The following ARHGEF16 variants were observed in gnomAD, a reference collection of about 807,000 sequenced individuals.
ARHGEF16 encodes the protein Rho guanine exchange factor (GEF) 16.
In ARHGEF16, 59 loss-of-function variants were observed where a neutral mutation model predicts 74.1. That is an observed-to-expected ratio of 0.80 (90% confidence interval 0.65 to 0.99). The LOEUF is 0.99. Among genes scored for constraint, ARHGEF16 ranks in the 50% least tolerant of loss-of-function variants. The probability of loss-of-function intolerance (pLI) is 0.00; values close to 1 mark genes in which losing one functional copy is unlikely to be tolerated. For synonymous variants in ARHGEF16, 415 were observed against 412.6 expected, an observed-to-expected ratio of 1.01 and a Z score of -0.07; for missense variants, 948 against 986.6, an observed-to-expected ratio of 0.96 and a Z score of 0.52.
At chr1:3,455,660 C>T (rs538034150) in intron 1 of ARHGEF16, among the ~76,000 whole-genome samples, 20 of 152,202 alleles carry the variant, frequency 1.3e-4, no homozygotes, top group East Asian at 5.8e-4. Flanking sequence ...CACCACCTAA[C>T]ATGGGGGCCT....
At position 3,463,503 on chromosome 1, in the gene ARHGEF16, AC is replaced by A; in HGVS notation, c.423del (p.Gly143AlafsTer3). On this transcript the variant is annotated frameshift_variant, in exon 2 of 15. Coordinates refer to ENST00000378378, the MANE Select transcript of ARHGEF16 (RefSeq NM_014448.4). LOFTEE classifies it high-confidence loss of function. ...CTGGATGACATGGACGTGGACAAGG[AC>A]CCCGGGGGCATGCTGAGGCGGAACC... ...FSLDDMDVDK[D>X]PGGMLRRNLR... 2 of 1,495,054 alleles carry A rather than the reference AC, an allele frequency of 1.3e-6. No homozygotes were observed. Among genetic ancestry groups the A allele is most frequent in the African/African-American group, 1.4e-5 (1 of 71,110 alleles). The allele number at this position is 1,495,054 out of a possible 1,614,324, so 92.6% of individuals were successfully genotyped here.
intron 11 of ARHGEF16, 144 bp from the exon 12 acceptor site, chr1:3,478,280 C>G (rs1284083961): frequency 9.9e-7 from 1 of 1,009,498 alleles, no homozygotes; most frequent in Non-Finnish European, 1.5e-6. Context: ...GGCCTCTGTT[C>G]TGTGGGACGC....
At chr1:3,461,529 C>G (rs1639395520) in intron 1 of ARHGEF16, among the ~76,000 whole-genome samples, 3 of 152,238 alleles carry the variant, frequency 2.0e-5, no homozygotes, top group African/African-American at 7.2e-5. Context: ...GAGGGGAAAG[C>G]TGGGAGGCCT....
chr1:3,463,548 G>C lies in ARHGEF16; in HGVS notation c.464G>C (p.Arg155Pro). Residue 155 changes from arginine (R) to proline (P), a missense_variant, in exon 2 of 15, where the codon CGG (arginine) becomes CCG (proline). Arg to Pro is a moderately radical substitution (Grantham distance 103, BLOSUM62 -2). Transcript: ENST00000378378. The part of the protein sequence containing the change: ...LRRNLRNQSY[R>P]AAMKGLGKPG... ...CGGAACCTGCGGAACCAATCCTACC[G>C]GGCGGCCATGAAGGGCCTGGGGAAG... 1.4e-6 allele frequency: 2 copies of C among 1,461,446 alleles called. No homozygotes were observed. The highest frequency in any genetic ancestry group is 1.8e-6 in the Non-Finnish European group (2 of 1,103,068). The allele number at this position is 1,461,446 out of a possible 1,614,324, so 90.5% of individuals were successfully genotyped here. A position where few individuals can be genotyped will look rare whatever the true frequency, so the allele number is the denominator to read the frequency against.
chr1:3,466,592 C>T (rs1291202363), intron 3 of ARHGEF16, among the ~76,000 whole-genome samples: 1 of 152,168 alleles, frequency 6.6e-6, no homozygotes, highest in Non-Finnish European at 1.5e-5. Context: ...TGTGTTGGGG[C>T]CTCCAGCATG....
At chr1:3,474,271 CAT>C (rs947599931) in intron 8 of ARHGEF16, 4 of 227,252 alleles carry the variant, frequency 1.8e-5, no homozygotes, top group Non-Finnish European at 3.5e-5. Context: ...CATATTCACA[CAT>C]GTGCATGCTG....
intron 5 of ARHGEF16, 96 bp downstream of exon 5, chr1:3,469,032 C>T (rs1639629991): frequency 2.8e-6 from 4 of 1,432,486 alleles, no homozygotes; most frequent in Admixed American, 2.0e-5. Context: ...CCCAGCCATC[C>T]CTCTGCGGCC....
rs748762574 is a variant in ARHGEF16, at chr1:3,471,721, C to T, written c.1023-1357C>T. ...CCCTGGGGCGGGAAGCTCCGGCCTC[C>T]TCCCCCAGCTGGGCCCCCGACAGCT... On this transcript the variant is annotated intron_variant, in intron 6 of 14. Transcript: ENST00000378378. 4.9e-6 allele frequency: 6 copies of T among 1,221,712 alleles called. No individual in the cohort carries two copies. In the South Asian group the frequency reaches 7.1e-5, roughly 14 times the overall value. 75.7% of individuals were successfully genotyped at this position (1,221,712 alleles called of 1,614,324 possible). A position where few individuals can be genotyped will look rare whatever the true frequency, so the allele number is the denominator to read the frequency against.
intron 3 of ARHGEF16, among the ~76,000 whole-genome samples, chr1:3,466,563 C>T (rs553462772): frequency 8.5e-5 from 13 of 152,238 alleles, no homozygotes; most frequent in African/African-American, 3.1e-4. Context: ...CCGGACTCTT[C>T]GAGGCTGAAG....
At chr1:3,476,806 G>A (rs908454374) in intron 10 of ARHGEF16, among the ~76,000 whole-genome samples, 3 of 152,086 alleles carry the variant, frequency 2.0e-5, no homozygotes, top group South Asian at 2.1e-4. Context: ...CCAAGTAAGG[G>A]TGCGGGGTCC....
In ARHGEF16 at chr1:3,463,055, C is replaced by T. The variant is rs1381923700; in HGVS notation, c.-19-11C>T. The T allele has an allele frequency of 1.4e-6, 2 of 1,440,136 alleles. No homozygotes were observed. The allele number at this position is 1,440,136 out of a possible 1,614,324, so 89.2% of individuals were successfully genotyped here. A position where few individuals can be genotyped will look rare whatever the true frequency, so the allele number is the denominator to read the frequency against. On this transcript the variant is annotated splice_polypyrimidine_tract_variant and intron_variant, in intron 1 of 14. Coordinates refer to ENST00000378378, the MANE Select transcript of ARHGEF16 (RefSeq NM_014448.4). ...CAGCCTCACGAGACCTCACTTCTGC[C>T]CTTCCCCCAGGACCCCACAGCCGCC...
At chr1:3,466,323 C>A (rs1301339872) in intron 3 of ARHGEF16, 130 bp downstream of exon 3, 3 of 1,003,106 alleles carry the variant, frequency 3.0e-6, no homozygotes, top group Non-Finnish European at 4.3e-6. Flanking sequence ...CAGGGTCCTT[C>A]CAGAGGCTGA....
intron 10 of ARHGEF16, among the ~76,000 whole-genome samples, chr1:3,477,257 T>TC (rs1170384517): frequency 1.8e-5 from 1 of 54,656 alleles, no homozygotes; most frequent in African/African-American, 7.6e-5. Flanking sequence ...CACTCTGCCC[T>TC]CCCCCCCACC....
chr1:3,457,414 G>T (rs1482496027), intron 1 of ARHGEF16, among the ~76,000 whole-genome samples: 5 of 152,194 alleles, frequency 3.3e-5, no homozygotes, highest in African/African-American at 4.8e-5. Context: ...CATCCTAACC[G>T]GAGGGGCAGC....
chr1:3,469,943 G>C (rs1446895140), intron 6 of ARHGEF16, among the ~76,000 whole-genome samples: 1 of 152,230 alleles, frequency 6.6e-6, no homozygotes, highest in Non-Finnish European at 1.5e-5. Flanking sequence ...GCCACAAGCT[G>C]CTCACCTGTA....
At chr1:3,455,445 G>A (rs1445371235) in intron 1 of ARHGEF16, among the ~76,000 whole-genome samples, 1 of 152,032 alleles carries the variant, frequency 6.6e-6, no homozygotes, top group Non-Finnish European at 1.5e-5. Context: ...GGAGGGGTGC[G>A]TCCCACCTAC....
chr1:3,468,559 T>G, intron 4 of ARHGEF16: 1 of 391,644 alleles, frequency 2.6e-6, no homozygotes, highest in Non-Finnish European at 4.8e-6. Flanking sequence ...CACCTCTCCA[T>G]CTGCCGGGAA....
At position 3,466,178 on chromosome 1, in the gene ARHGEF16, G is replaced by C. The variant is rs763324211; in HGVS notation, c.619G>C (p.Gly207Arg). ...KTLGRKRGHK[G>R]SFKDDPQLYQ... ...GCTGGGGAGGAAACGTGGGCACAAG[G>C]GTTCCTTCAAGGACGGTGAGTGTGG... The change falls in exon 3 of 15, where the codon GGT becomes CGT. Residue 207 changes from glycine to arginine, a missense_variant. Coordinates refer to ENST00000378378, the MANE Select transcript of ARHGEF16 (RefSeq NM_014448.4). 21 of 1,545,564 alleles carry C rather than the reference G, an allele frequency of 1.4e-5. 1 individual carries two copies. The East Asian group carries it at 2.0e-4, about 15-fold the overall frequency.
intron 1 of ARHGEF16, among the ~76,000 whole-genome samples, chr1:3,456,225 G>A (rs2100727876): frequency 6.6e-6 from 1 of 152,354 alleles, no homozygotes; most frequent in South Asian, 2.1e-4. Context: ...ACCTACACAT[G>A]AGGAAACTGA....
Sources: gnomAD v4.1 joint callset for allele counts (sites outside exome capture counted in the v4.1 genomes callset) on GRCh38, gnomAD v4.1.1 for gene constraint, MANE v1.5 for transcripts, NCBI Gene and HGNC (gene_info 2026-07-23, HGNC 2026-07-21) for gene names.